The following EXD2 variants were observed in gnomAD, a reference collection of about 807,000 sequenced individuals.
The protein encoded by EXD2 is exonuclease 3'-5' domain-containing protein 2.
In EXD2, 40 loss-of-function variants were observed where a neutral mutation model predicts 62.5. That is an observed-to-expected ratio of 0.64 (90% CI 0.50 to 0.83). The LOEUF (loss-of-function observed/expected upper bound fraction) is 0.83. Ranked by LOEUF, EXD2 falls within the 40% of genes least tolerant of loss-of-function variation. The probability of loss-of-function intolerance (pLI) is 0.00; values close to 1 mark genes in which losing one functional copy is unlikely to be tolerated. For synonymous variants in EXD2, 239 were observed against 291.9 expected, an observed-to-expected ratio of 0.82 and a Z score of 1.85; for missense variants, 671 against 761.8, an observed-to-expected ratio of 0.88 and a Z score of 1.40.
At chr14:69,230,648 T>C (rs2043542396) in intron 5 of EXD2, 50 bp downstream of exon 5, 1 of 1,544,736 alleles carries the variant, frequency 6.5e-7, no homozygotes, top group African/African-American at 1.4e-5. Flanking sequence ...GTTTCTGAAG[T>C]ATAACTGTTT....
intron 9 of EXD2, among the ~76,000 whole-genome samples, chr14:69,239,533 CAAACCAGCTAAT>C (rs2043913630): frequency 6.6e-6 from 1 of 152,188 alleles, no homozygotes; most frequent in Admixed American, 6.5e-5. Flanking sequence ...TATCTTGCAG[CAAACCAGCTAAT>C]AAACTTCACA....
At position 69,234,748 on chromosome 14, in the gene EXD2, C is replaced by T; in HGVS notation, c.766C>T (p.His256Tyr). The T allele has an allele frequency of 1.2e-6, 2 of 1,614,016 alleles. No homozygotes were observed. The highest frequency in any genetic ancestry group is 1.7e-6 in the Non-Finnish European group (2 of 1,179,986). The change falls in exon 6 of 10, where the codon CAT becomes TAT. Residue 256 changes from histidine to tyrosine, a missense_variant. By Grantham distance (83) the His-to-Tyr change is moderately conservative. Transcript: ENST00000685843. ...CCAGATTTCAGTGGCTCTCTTTCTT[C>T]ATCTTCTTGGATACCCTTTCTCTAG... The part of the protein sequence containing the change: ...DAQISVALFL[H>Y]LLGYPFSRNS...
intron 3 of EXD2, among the ~76,000 whole-genome samples, chr14:69,210,633 CGA>C (rs1208234639): frequency 1.3e-5 from 2 of 151,994 alleles, no homozygotes; most frequent in Non-Finnish European, 2.9e-5. Flanking sequence ...GTCAGCATAG[CGA>C]GACTCCATCT....
chr14:69,193,356 GC>G (rs980805887), intron 1 of EXD2, among the ~76,000 whole-genome samples: 4 of 152,160 alleles, frequency 2.6e-5, no homozygotes, highest in Non-Finnish European at 5.9e-5. Flanking sequence ...ACCGTGTCTG[GC>G]CCACCATGCT....
chr14:69,217,055 A>G (rs962546649), intron 3 of EXD2, among the ~76,000 whole-genome samples: 11 of 151,630 alleles, frequency 7.3e-5, no homozygotes, highest in African/African-American at 2.7e-4. Flanking sequence ...TATGAGATCA[A>G]CTCTTTTATT....
intron 5 of EXD2, among the ~76,000 whole-genome samples, chr14:69,233,495 C>T (rs1381078483): frequency 6.6e-6 from 1 of 151,942 alleles, no homozygotes; most frequent in East Asian, 1.9e-4. Flanking sequence ...GGTGCGATCT[C>T]AGCTCACTGC....
chr14:69,212,699 ATTT>A lies in EXD2; in HGVS notation c.333+2920_333+2922del, dbSNP rs71102635. Among the ~76,000 whole-genome samples, 423 of 57,324 alleles carry A rather than the reference ATTT, an allele frequency of 7.4e-3. 5 individuals are homozygous for A. Among genetic ancestry groups the A allele is most frequent in the African/African-American group, 0.026 (326 of 12,756 alleles). The allele number at this position is 57,324 out of a possible 152,430, so 37.6% of individuals were successfully genotyped here. On this transcript the variant is annotated intron_variant, in intron 3 of 9. Transcript: ENST00000685843. ...TGTCACTTGGTTCCAATGGTTCTTG[ATTT>A]TTTTTTTTTTTTTTTTTTTTTTTGA...
In EXD2 at chr14:69,243,949, T is replaced by C. The variant is rs2044043692; in HGVS notation, c.*2849T>C. The C allele has an allele frequency of 6.6e-6, 1 of 152,136 alleles. No individual in the cohort carries two copies. Among genetic ancestry groups the C allele is most frequent in the Non-Finnish European group, 1.5e-5 (1 of 68,038 alleles). The allele number at this position is 152,136 out of a possible 1,614,324, so 9.4% of individuals were successfully genotyped here. On this transcript the variant is annotated 3_prime_UTR_variant, in exon 10 of 10. Transcript: ENST00000685843. Reference sequence around the variant, plus strand: ...TTTCCCCCTTGTAGTCAATGTTTTTTGGAAACACTGTTTATTTTAAAATAA... The same window carrying C: ...TTTCCCCCTTGTAGTCAATGTTTTTCGGAAACACTGTTTATTTTAAAATAA...
chr14:69,218,690 G>A (rs1040756149), intron 3 of EXD2, among the ~76,000 whole-genome samples: 3 of 152,142 alleles, frequency 2.0e-5, no homozygotes, highest in Admixed American at 6.5e-5. Flanking sequence ...TTTGTATAAG[G>A]TGTAAGGAAG....
At chr14:69,205,522 T>C (rs2042562364) in intron 2 of EXD2, among the ~76,000 whole-genome samples, 1 of 152,200 alleles carries the variant, frequency 6.6e-6, no homozygotes, top group South Asian at 2.1e-4. Flanking sequence ...AGAATGTATA[T>C]ATTTTTGTCT....
chr14:69,238,324 A>G (rs1422106376), intron 9 of EXD2, among the ~76,000 whole-genome samples: 1 of 152,164 alleles, frequency 6.6e-6, no homozygotes, highest in Non-Finnish European at 1.5e-5. Context: ...GAAGTTCCCC[A>G]TGAGATACAG....
At chr14:69,222,217 T>C (rs1456077803) in intron 3 of EXD2, among the ~76,000 whole-genome samples, 3 of 152,096 alleles carry the variant, frequency 2.0e-5, no homozygotes, top group Non-Finnish European at 4.4e-5. Flanking sequence ...TCTTTTTTCT[T>C]CATAATTCCT....
intron 3 of EXD2, among the ~76,000 whole-genome samples, chr14:69,212,744 G>C (rs1041006776): frequency 3.7e-5 from 4 of 109,202 alleles, no homozygotes; most frequent in Non-Finnish European, 5.2e-5. Flanking sequence ...ATCTTACTCT[G>C]TCACCCAGGC....
rs2042742851 is a variant in EXD2 at position 69,209,781 on chromosome 14, T to A, written c.311T>A (p.Val104Glu). 1 of 1,487,620 alleles carries A rather than the reference T, an allele frequency of 6.7e-7. No homozygotes were observed. Among genetic ancestry groups the A allele is most frequent in the African/African-American group, 1.4e-5 (1 of 69,792 alleles). The allele number at this position is 1,487,620 out of a possible 1,614,324, so 92.2% of individuals were successfully genotyped here. Residue 104 changes from valine (V) to glutamate (E), a missense_variant, in exon 3 of 10, where the codon GTA becomes GAA. Transcript: ENST00000685843. ...LLRSELEDFP[V>E]LGIDCEWVNL... ...AGAAGTGAATTAGAAGATTTTCCAGTACTTGGAATTGACTGTGAGTGGGTA... is the reference window on the plus strand; with the variant it reads ...AGAAGTGAATTAGAAGATTTTCCAGAACTTGGAATTGACTGTGAGTGGGTA...
chr14:69,236,366 G>A, intron 7 of EXD2, 41 bp from the exon 8 acceptor site: 1 of 1,613,662 alleles, frequency 6.2e-7, no homozygotes, highest in Non-Finnish European at 8.5e-7. Context: ...TGGTGGTGGG[G>A]GCAGGGGGAG....
At chr14:69,195,270 C>T (rs1020230312) in intron 1 of EXD2, among the ~76,000 whole-genome samples, 6 of 151,540 alleles carry the variant, frequency 4.0e-5, no homozygotes, top group African/African-American at 1.5e-4. Context: ...AGCTGGAGTG[C>T]AGTGGCAGCC....
At chr14:69,194,928 A>G (rs1325989894) in intron 1 of EXD2, among the ~76,000 whole-genome samples, 16 of 152,020 alleles carry the variant, frequency 1.1e-4, no homozygotes, top group African/African-American at 1.2e-4. Context: ...TTTTCTTTTA[A>G]GAGATGGGAG....
Position 69,243,600 on chromosome 14 carries a change from A to G in EXD2, c.*2500A>G, listed in dbSNP as rs2044035693. On this transcript the variant is annotated 3_prime_UTR_variant, in exon 10 of 10. Transcript: ENST00000685843. ...GTTGTTTCAGATACTTTTATTATCAATGATGATGTGATAAAGTTTCTTGTA... is the reference window on the plus strand; with the variant it reads ...GTTGTTTCAGATACTTTTATTATCAGTGATGATGTGATAAAGTTTCTTGTA... 2 of 152,216 alleles carry G rather than the reference A, an allele frequency of 1.3e-5. No individual in the cohort carries two copies. The highest frequency in any genetic ancestry group is 2.1e-4 in the South Asian group (1 of 4,836). 9.4% of individuals were successfully genotyped at this position (152,216 alleles called of 1,614,324 possible). A position where few individuals can be genotyped will look rare whatever the true frequency, so the allele number is the denominator to read the frequency against.
At chr14:69,194,623 G>A (rs1175830189) in intron 1 of EXD2, among the ~76,000 whole-genome samples, 1 of 151,858 alleles carries the variant, frequency 6.6e-6, no homozygotes, top group African/African-American at 2.4e-5. Flanking sequence ...CTGGAATTAT[G>A]GACATGAGCC....
Sources: allele counts gnomAD v4.1 joint callset (sites outside exome capture counted in the v4.1 genomes callset), GRCh38; gene constraint gnomAD v4.1.1; transcripts MANE v1.5; gene names NCBI Gene and HGNC (gene_info 2026-07-23, HGNC 2026-07-21).